Variants in THSD7B observed in about 807,000 individuals in gnomAD.
THSD7B encodes thrombospondin type-1 domain-containing protein 7B.
THSD7B carries 138 observed loss-of-function variants against 213.6 expected under a neutral mutation model. The observed-to-expected ratio is 0.65, with a 90% CI of 0.56 to 0.74. The LOEUF (loss-of-function observed/expected upper bound fraction) is 0.74, where lower values mean the gene tolerates loss of function less well. Ranked by LOEUF, THSD7B falls within the 30% of genes least tolerant of loss-of-function variation. THSD7B has a pLI of 0.00. For synonymous variants in THSD7B, 742 were observed against 687.0 expected, an observed-to-expected ratio of 1.08 and a Z score of -1.25; for missense variants, 1,931 against 1,991.5, an observed-to-expected ratio of 0.97 and a Z score of 0.58.
At chr2:137,011,632 G>A (rs1457437855) in intron 2 of THSD7B, among the ~76,000 whole-genome samples, 3 of 152,250 alleles carry the variant, frequency 2.0e-5, no homozygotes, top group Non-Finnish European at 4.4e-5. Context: ...CAACTCTGGT[G>A]CACTGTGTCT....
At chr2:137,060,040 G>A (rs1687242739) in intron 3 of THSD7B, among the ~76,000 whole-genome samples, 1 of 152,066 alleles carries the variant, frequency 6.6e-6, no homozygotes, top group Admixed American at 6.6e-5. Flanking sequence ...TTTGTTGTCA[G>A]TATTTTGGAG....
intron 12 of THSD7B, among the ~76,000 whole-genome samples, chr2:137,315,488 G>A (rs1156801289): frequency 6.6e-6 from 1 of 152,148 alleles, no homozygotes; most frequent in Non-Finnish European, 1.5e-5. Flanking sequence ...CATGCTGGGA[G>A]CTGTAGACCG....
intron 10 of THSD7B, among the ~76,000 whole-genome samples, chr2:137,264,511 G>A (rs1206799937): frequency 1.3e-5 from 2 of 152,106 alleles, no homozygotes; most frequent in East Asian, 1.9e-4. Flanking sequence ...GCCTCCCAAA[G>A]TGTTGGAATT....
rs59017100 is a variant in THSD7B, at chr2:137,388,344, T to TA, written c.2501-17258dup. Among the ~76,000 whole-genome samples, 764 of 143,726 alleles carry TA rather than the reference T, an allele frequency of 5.3e-3. 2 individuals are homozygous for TA. The highest frequency in any genetic ancestry group is 0.013 in the African/African-American group (506 of 39,680). 94.3% of individuals were successfully genotyped at this position (143,726 alleles called of 152,430 possible). Reference sequence around the variant, plus strand: ...TTATATAACTTAACAAAAGTAACAGTAAAAAAAAAAAGGAGAGTGACCCTT... The same window carrying TA: ...TTATATAACTTAACAAAAGTAACAGTAAAAAAAAAAAAGGAGAGTGACCCTT... On this transcript the variant is annotated intron_variant, in intron 12 of 27. Transcript: ENST00000409968.
intron 12 of THSD7B, among the ~76,000 whole-genome samples, chr2:137,347,203 A>G (rs1018756877): frequency 6.6e-6 from 1 of 151,850 alleles, no homozygotes; most frequent in East Asian, 1.9e-4. Flanking sequence ...ATCAACCTTG[A>G]CAATGTAAAA....
intron 15 of THSD7B, among the ~76,000 whole-genome samples, chr2:137,541,326 A>G (rs2105192420): frequency 6.6e-6 from 1 of 151,880 alleles, no homozygotes; most frequent in South Asian, 2.1e-4. Flanking sequence ...ATATGGTCCA[A>G]AAACAAGAAG....
chr2:137,398,153 T>C (rs1226257958), intron 12 of THSD7B, among the ~76,000 whole-genome samples: 1 of 150,182 alleles, frequency 6.7e-6, no homozygotes, highest in Non-Finnish European at 1.5e-5. Flanking sequence ...GTCTGAAGCC[T>C]TCTCTCAGCT....
intron 7 of THSD7B, among the ~76,000 whole-genome samples, chr2:137,200,201 T>A (rs935257137): frequency 6.6e-6 from 1 of 152,142 alleles, no homozygotes; most frequent in African/African-American, 2.4e-5. Flanking sequence ...TAGGAGTACC[T>A]TTTTATTCTT....
chr2:136,904,145 G>C (rs185732780), intron 2 of THSD7B, among the ~76,000 whole-genome samples: 1 of 152,278 alleles, frequency 6.6e-6, no homozygotes, highest in East Asian at 1.9e-4. Context: ...ATAATATTCA[G>C]TGTGTAGCGA....
At chr2:137,500,282 G>T (rs1679671407) in intron 15 of THSD7B, among the ~76,000 whole-genome samples, 1 of 152,196 alleles carries the variant, frequency 6.6e-6, no homozygotes, top group Non-Finnish European at 1.5e-5. Flanking sequence ...TATAGAAGTT[G>T]AATCTAAGGT....
At chr2:137,166,663 A>G (rs1224001679) in intron 6 of THSD7B, among the ~76,000 whole-genome samples, 2 of 152,218 alleles carry the variant, frequency 1.3e-5, no homozygotes, top group African/African-American at 4.8e-5. Context: ...CTCTTAAACA[A>G]ATTAGATAAC....
At chr2:136,888,649 C>A (rs1480047074) in intron 2 of THSD7B, among the ~76,000 whole-genome samples, 1 of 151,898 alleles carries the variant, frequency 6.6e-6, no homozygotes, top group Admixed American at 6.6e-5. Flanking sequence ...AGACATATGG[C>A]CTGGAGTTCA....
chr2:136,999,399 A>G (rs1049920480), intron 2 of THSD7B, among the ~76,000 whole-genome samples: 4 of 152,054 alleles, frequency 2.6e-5, no homozygotes, highest in African/African-American at 9.7e-5. Context: ...TGACTGAAAA[A>G]GAAGGAAAGC....
intron 2 of THSD7B, among the ~76,000 whole-genome samples, chr2:136,968,172 C>T (rs559517386): frequency 9.9e-5 from 15 of 152,190 alleles, no homozygotes; most frequent in African/African-American, 3.1e-4. Context: ...CAATCTGCTA[C>T]GAATGACAGG....
chr2:137,101,328 C>T (rs1228498717), intron 4 of THSD7B, among the ~76,000 whole-genome samples: 1 of 152,208 alleles, frequency 6.6e-6, no homozygotes. Context: ...AGGCGTGAGC[C>T]ACCATGCCGG....
chr2:137,014,191 A>G (rs1686290374), intron 2 of THSD7B, among the ~76,000 whole-genome samples: 1 of 152,134 alleles, frequency 6.6e-6, no homozygotes, highest in Admixed American at 6.6e-5. Context: ...GTGAAGTTCA[A>G]AGATGCCAGC....
At chr2:136,949,738 G>A (rs966660416) in intron 2 of THSD7B, among the ~76,000 whole-genome samples, 1 of 152,172 alleles carries the variant, frequency 6.6e-6, no homozygotes, top group Non-Finnish European at 1.5e-5. Context: ...GGTCTGTGAT[G>A]AGGCCTGAGA....
intron 2 of THSD7B, among the ~76,000 whole-genome samples, chr2:136,922,334 G>A (rs1684449751): frequency 6.6e-6 from 1 of 152,172 alleles, no homozygotes; most frequent in South Asian, 2.1e-4. Flanking sequence ...ATGGGAACAT[G>A]TCCTGCATAT....
At chr2:137,100,423 T>C (rs1253869646) in intron 4 of THSD7B, among the ~76,000 whole-genome samples, 1 of 151,752 alleles carries the variant, frequency 6.6e-6, no homozygotes, top group Non-Finnish European at 1.5e-5. Flanking sequence ...GTAATTGCAG[T>C]TTTTGCCGTG....
Sources: allele counts gnomAD v4.1 joint callset (sites outside exome capture counted in the v4.1 genomes callset), GRCh38; gene constraint gnomAD v4.1.1; transcripts MANE v1.5; gene names NCBI Gene and HGNC (gene_info 2026-07-23, HGNC 2026-07-21).